The following KIF1A variants were observed in gnomAD, a reference collection of about 807,000 sequenced individuals.
KIF1A encodes kinesin family member 1A.
Under a neutral mutation model 227.3 loss-of-function variants are expected in KIF1A, and 46 were observed. That is an observed-to-expected ratio of 0.20 (90% CI 0.16 to 0.26). The LOEUF (loss-of-function observed/expected upper bound fraction) is 0.26. KIF1A is among the 10% of genes least tolerant of loss of function. The pLI is 1.00. For synonymous variants in KIF1A, 1,022 were observed against 1,012.8 expected (o/e 1.01, Z -0.17); for missense variants, 1,683 against 2,485.9 (o/e 0.68, Z 6.87).
intron 14 of KIF1A, 92 bp from the exon 15 acceptor site, chr2:240,771,196 T>G: frequency 6.6e-7 from 1 of 1,510,588 alleles, no homozygotes; most frequent in Non-Finnish European, 9.1e-7. Flanking sequence ...GGAGGAGGGG[T>G]AGGGCGGGCA....
Position 240,773,139 on chromosome 2 carries a change from G to A in KIF1A, c.1155C>T (p.Ala385=), listed in dbSNP as rs1447260290. ...EVTRLRDLLY[A]QGLGDITDTN... is the part of the protein sequence containing the mutation. ...TGTCAGTGATGTCGCCAAGACCCTG[G>A]GCGTACAGAAGGTCCCGCAGCCGGG... is the stretch of plus-strand genomic sequence containing the variant. Residue 385 remains alanine, a synonymous_variant, in exon 13 of 49, where the codon GCC becomes GCT. Transcript: ENST00000498729. 1 of 1,613,660 alleles carries A rather than the reference G, an allele frequency of 6.2e-7. No individual in the cohort carries two copies. Among genetic ancestry groups the A allele is most frequent in the Non-Finnish European group, 8.5e-7 (1 of 1,179,734 alleles).
At chr2:240,810,103 C>T (rs576162286) in intron 1 of KIF1A, among the ~76,000 whole-genome samples, 9 of 152,130 alleles carry the variant, frequency 5.9e-5, no homozygotes, top group South Asian at 2.1e-4. Context: ...TGCGAGCCAC[C>T]GCACCCAGCC....
chr2:240,810,265 G>A (rs185114197), intron 1 of KIF1A, among the ~76,000 whole-genome samples: 2 of 152,088 alleles, frequency 1.3e-5, no homozygotes, highest in Non-Finnish European at 2.9e-5. Flanking sequence ...ATACACAGAG[G>A]ACAGATAAAA....
At position 240,762,757 on chromosome 2, in the gene KIF1A, G is replaced by A. The variant is rs756842462; in HGVS notation, c.2078C>T (p.Pro693Leu). 19 of 1,598,802 alleles carry A rather than the reference G, an allele frequency of 1.2e-5. No individual in the cohort carries two copies. The African/African-American group carries it at 1.2e-4, about 10-fold the overall frequency. Residue 693 changes from proline to leucine, a missense_variant, in exon 23 of 49, where the codon CCG becomes CTG. Transcript: ENST00000498729. The stretch of plus-strand genomic sequence containing the variant: ...CTCCTCCTCCTCCTCGTTCACCTCC[G>A]GGTAGTACCTGGAGTCCATCTGCTT... ...LQKQMDSRYY[P>L]EVNEEEEEPE...
Position 240,720,990 on chromosome 2 carries a change from G to C in KIF1A, c.4792C>G (p.Leu1598Val), listed in dbSNP as rs2045297338. 1 of 1,610,098 alleles carries C rather than the reference G, an allele frequency of 6.2e-7. No individual in the cohort carries two copies. The highest frequency in any genetic ancestry group is 8.5e-7 in the Non-Finnish European group (1 of 1,178,822). Residue 1598 changes from leucine to valine, a missense_variant, in exon 45 of 49, where the codon CTA (leucine) becomes GTA (valine). Leu to Val is a conservative substitution (Grantham distance 32, BLOSUM62 1). Transcript: ENST00000498729. Reference sequence around the variant, plus strand: ...GAGGGGGTGAGAGTGGCCACCCCTAGAGGGGACATCGACGGGTCCCGGAGC... The same window carrying C: ...GAGGGGGTGAGAGTGGCCACCCCTACAGGGGACATCGACGGGTCCCGGAGC... ...TLLRDPSMSP[L>V]GVATLTPSST...
chr2:240,782,455 C>T (rs552322842), intron 10 of KIF1A, 135 bp downstream of exon 10: 22 of 1,056,498 alleles, frequency 2.1e-5, no homozygotes, highest in African/African-American at 3.2e-5. Flanking sequence ...TCTTCCTTCC[C>T]GGGATCCACC....
intron 46 of KIF1A, among the ~76,000 whole-genome samples, chr2:240,719,478 A>G (rs1056659397): frequency 3.9e-5 from 6 of 152,208 alleles, no homozygotes; most frequent in Non-Finnish European, 7.3e-5. Context: ...GTACCCAGTG[A>G]CCACGAGTTC....
chr2:240,750,438 C>T lies in KIF1A; in HGVS notation c.2968G>A (p.Ala990Thr). The stretch of plus-strand genomic sequence containing the variant: ...TTTGGCCCACACGCACCTGAGATGG[C>T]CTGGACGGCCACGCGGAGGAAGCCC... ...VKGFLRVAVQAISADEEAPDY... is the reference protein window; with the variant it reads ...VKGFLRVAVQTISADEEAPDY... Residue 990 changes from alanine to threonine, a missense_variant, in exon 28 of 49, where the codon GCC (alanine) becomes ACC (threonine). Coordinates refer to ENST00000498729, the MANE Select transcript of KIF1A (RefSeq NM_001244008.2). 6.2e-7 allele frequency: 1 copy of T among 1,613,034 alleles called. No homozygotes were observed. Among genetic ancestry groups the T allele is most frequent in the Middle Eastern group, 1.7e-4 (1 of 6,060 alleles).
At chr2:240,786,700 CAG>C (rs2054849921) in intron 5 of KIF1A, among the ~76,000 whole-genome samples, 187 bp from the exon 6 acceptor site, 2 of 125,086 alleles carry the variant, frequency 1.6e-5, no homozygotes, top group African/African-American at 3.1e-5. Flanking sequence ...GGATGGGAGC[CAG>C]CATCAGGACC....
chr2:240,820,233 C>G (rs1306040993), upstream of KIF1A: 1 of 149,624 alleles, frequency 6.7e-6, no homozygotes, highest in Admixed American at 6.6e-5. The surrounding 1 kb of genome is among the most constrained non-coding windows in gnomAD (Gnocchi z 6.2). Flanking sequence ...GGCGCCGCCG[C>G]GTGACGGGCT....
At position 240,736,551 on chromosome 2, in the gene KIF1A, C is replaced by T. The variant is rs1403250425; in HGVS notation, c.4007+512G>A. Among the ~76,000 whole-genome samples the T allele has an allele frequency of 6.6e-6, 1 of 152,174 alleles. No individual in the cohort carries two copies. The highest frequency in any genetic ancestry group is 1.5e-5 in the Non-Finnish European group (1 of 68,032). On this transcript the variant is annotated intron_variant, in intron 38 of 48. Coordinates refer to ENST00000498729, the MANE Select transcript of KIF1A (RefSeq NM_001244008.2). This position sits in a 1 kb window ranked among gnomAD's most constrained non-coding sequence, Gnocchi z 4.7. ...GCCAAAACCCCAGCCTAAATGCGGTCGGGCTGGGACCGCCCAGACTGTGGG... is the reference window on the plus strand; with the variant it reads ...GCCAAAACCCCAGCCTAAATGCGGTTGGGCTGGGACCGCCCAGACTGTGGG...
Position 240,739,926 on chromosome 2 carries a change from T to C in KIF1A, c.3901+132A>G. On this transcript the variant is annotated intron_variant, in intron 37 of 48. Coordinates refer to ENST00000498729, the MANE Select transcript of KIF1A (RefSeq NM_001244008.2). This position sits in a 1 kb window ranked among gnomAD's most constrained non-coding sequence, Gnocchi z 5.6. ...GTGAGGAAGTGAGTCACAGAGAGAT[T>C]ATGTGACCCGGCCAGGGTCACGCAG... The C allele has an allele frequency of 1.5e-6, 1 of 675,118 alleles. No individual in the cohort carries two copies. The highest frequency in any genetic ancestry group is 2.6e-6 in the Non-Finnish European group (1 of 380,820). 41.8% of individuals were successfully genotyped at this position (675,118 alleles called of 1,614,324 possible).
intron 45 of KIF1A, 89 bp downstream of exon 45, chr2:240,720,825 G>C (rs181008248): frequency 4.6e-5 from 67 of 1,445,862 alleles, no homozygotes; most frequent in African/African-American, 5.7e-5. Flanking sequence ...GGGGCCCCCT[G>C]TTCTGTGCTC....
intron 27 of KIF1A, among the ~76,000 whole-genome samples, chr2:240,753,293 T>C (rs1290214641): frequency 1.3e-5 from 2 of 152,206 alleles, no homozygotes; most frequent in Non-Finnish European, 2.9e-5. Flanking sequence ...AGAGGTAAAC[T>C]GAGGCAGGGG....
At position 240,806,767 on chromosome 2, in the gene KIF1A, T is replaced by G. The variant is rs183329766; in HGVS notation, c.-60-8955A>C. ...GAAAAATAAGCAATAGAAACATGAATTTTCCTACAATTATTAAAGAAATTG... is the reference window on the plus strand; with the variant it reads ...GAAAAATAAGCAATAGAAACATGAAGTTTCCTACAATTATTAAAGAAATTG... On this transcript the variant is annotated intron_variant, in intron 1 of 48. Coordinates refer to ENST00000498729, the MANE Select transcript of KIF1A (RefSeq NM_001244008.2). 7.2e-4 allele frequency among the ~76,000 whole-genome samples: 109 copies of G among 152,044 alleles called. 1 individual carries two copies. Among genetic ancestry groups the G allele is most frequent in the Admixed American group, 6.0e-3 (92 of 15,264 alleles).
intron 28 of KIF1A, chr2:240,748,672 C>A: frequency 3.1e-6 from 1 of 322,052 alleles, no homozygotes; most frequent in Non-Finnish European, 6.6e-6. Flanking sequence ...CACCTTCCAG[C>A]AGCAGGGCTG....
chr2:240,774,051 TCA>T, intron 12 of KIF1A, 130 bp downstream of exon 12: 1 of 517,058 alleles, frequency 1.9e-6, no homozygotes, highest in Non-Finnish European at 3.5e-6. Flanking sequence ...TCTTCCAGCC[TCA>T]CAGAGTCCAG....
At chr2:240,796,435 G>T (rs553265326) in intron 2 of KIF1A, among the ~76,000 whole-genome samples, 77 of 152,290 alleles carry the variant, frequency 5.1e-4, no homozygotes, top group Non-Finnish European at 1.1e-3. Flanking sequence ...GGCCACGGAG[G>T]TCACCCACTT....
intron 1 of KIF1A, chr2:240,818,804 C>G (rs540258948): frequency 6.6e-6 from 1 of 152,486 alleles, no homozygotes; most frequent in African/African-American, 2.4e-5. Flanking sequence ...AGGCCAGTGC[C>G]AGCCCTGCGA....
Sources: gnomAD v4.1 joint callset for allele counts (sites outside exome capture counted in the v4.1 genomes callset) on GRCh38, gnomAD v4.1.1 for gene constraint, Gnocchi (gnomAD v3.1) non-coding constraint, MANE v1.5 for transcripts, NCBI Gene and HGNC (gene_info 2026-07-23, HGNC 2026-07-21) for gene names.